Variants in R3HDM2 observed in about 807,000 individuals in gnomAD.
R3HDM2 encodes the protein R3H domain containing 2.
R3HDM2 carries 38 observed loss-of-function variants against 124.5 expected under a neutral mutation model. The ratio of observed to expected loss-of-function variants is 0.31; its 90% confidence interval spans 0.24 to 0.40. The LOEUF (loss-of-function observed/expected upper bound fraction) is 0.40, where lower values mean the gene tolerates loss of function less well. R3HDM2 is among the 10% of genes least tolerant of loss of function. The probability of loss-of-function intolerance (pLI) is 1.00; values close to 1 mark genes in which losing one functional copy is unlikely to be tolerated. For synonymous variants in R3HDM2, 391 were observed against 448.0 expected (o/e 0.87, Z 1.61); for missense variants, 869 against 1,236.9 (o/e 0.70, Z 4.46).
chr12:57,337,558 A>G (rs1015805385), intron 2 of R3HDM2, among the ~76,000 whole-genome samples: 9 of 152,202 alleles, frequency 5.9e-5, no homozygotes, highest in Non-Finnish European at 1.2e-4. Context: ...CACTGCAAAG[A>G]AAGTCACTAG....
chr12:57,313,340 G>A (rs1043189124), intron 2 of R3HDM2, among the ~76,000 whole-genome samples: 1 of 151,768 alleles, frequency 6.6e-6, no homozygotes, highest in Non-Finnish European at 1.5e-5. Context: ...CAGCAGGATC[G>A]CTTGAGCCCA....
intron 1 of R3HDM2, among the ~76,000 whole-genome samples, chr12:57,429,787 G>A (rs1869247017): frequency 6.6e-6 from 1 of 151,604 alleles, no homozygotes; most frequent in Non-Finnish European, 1.5e-5. Flanking sequence ...GGGAATATTG[G>A]TGGAACAACA....
At chr12:57,368,222 GTA>G (rs139443382) in intron 2 of R3HDM2, among the ~76,000 whole-genome samples, 1 of 151,496 alleles carries the variant, frequency 6.6e-6, no homozygotes, top group Non-Finnish European at 1.5e-5. Flanking sequence ...AATTCAATGT[GTA>G]TATATATATA....
chr12:57,320,261 C>CAAAAAAAAAAA (rs56207989), intron 2 of R3HDM2, among the ~76,000 whole-genome samples: 692 of 14,242 alleles, frequency 0.049, 222 homozygotes, highest in South Asian at 0.12. Flanking sequence ...AACTCTATCT[C>CAAAAAAAAAAA]AAAAAAAAAA....
At position 57,311,392 on chromosome 12, in the gene R3HDM2, A is replaced by AT. The variant is rs1469550381; in HGVS notation, c.-35-930dup. On this transcript the variant is annotated intron_variant, in intron 2 of 23. Coordinates refer to ENST00000402412, the MANE Select transcript of R3HDM2 (RefSeq NM_001394031.1). ...AGGTGCCCGCCACCACGCTCAGCTA[A>AT]TTTTTTCTATTTTTTAGTACAGACA... is the stretch of plus-strand genomic sequence containing the variant. Among the ~76,000 whole-genome samples the AT allele has an allele frequency of 3.4e-5, 5 of 146,414 alleles. No individual in the cohort carries two copies. In the East Asian group the frequency reaches 9.9e-4, roughly 29 times the overall value.
Position 57,296,558 on chromosome 12 carries a change from G to A in R3HDM2, c.561-7C>T, listed in dbSNP as rs1393315201. 3 of 1,544,008 alleles carry A rather than the reference G, an allele frequency of 1.9e-6. No individual in the cohort carries two copies. Among genetic ancestry groups the A allele is most frequent in the South Asian group, 1.2e-5 (1 of 83,058 alleles). On this transcript the variant is annotated splice_region_variant and splice_polypyrimidine_tract_variant and intron_variant, in intron 8 of 23. Coordinates refer to ENST00000402412, the MANE Select transcript of R3HDM2 (RefSeq NM_001394031.1). The surrounding 1 kb of genome is among the most constrained non-coding windows in gnomAD (Gnocchi z 4.5). ...GAACTTCTTGAACTGATTACTGAAG[G>A]GAAACCCGGGGAAAAAAAGTGAAAT...
intron 2 of R3HDM2, among the ~76,000 whole-genome samples, chr12:57,394,292 G>A (rs1176802020): frequency 2.0e-5 from 3 of 150,166 alleles, no homozygotes; most frequent in African/African-American, 7.4e-5. Flanking sequence ...GCAAGAGCCT[G>A]TCTCAAAAAA....
intron 2 of R3HDM2, among the ~76,000 whole-genome samples, chr12:57,318,084 G>A (rs2055564982): frequency 6.6e-6 from 1 of 151,800 alleles, no homozygotes; most frequent in Non-Finnish European, 1.5e-5. Context: ...GAGGTCAGGG[G>A]TTCGAGACCA....
At chr12:57,257,810 C>T (rs1191798820) in intron 21 of R3HDM2, among the ~76,000 whole-genome samples, 180 bp downstream of exon 21, 7 of 152,192 alleles carry the variant, frequency 4.6e-5, no homozygotes, top group Non-Finnish European at 1.0e-4. Flanking sequence ...TAAGCATGGA[C>T]AGCACTAGAG....
At chr12:57,340,280 G>A (rs910802888) in intron 2 of R3HDM2, among the ~76,000 whole-genome samples, 6 of 152,152 alleles carry the variant, frequency 3.9e-5, no homozygotes, top group African/African-American at 1.2e-4. Flanking sequence ...TCCCAGTGAC[G>A]TCAGAGCAGT....
At position 57,295,514 on chromosome 12, in the gene R3HDM2, T is replaced by G; in HGVS notation, c.702-7A>C. The G allele has an allele frequency of 1.3e-6, 2 of 1,544,758 alleles. No individual in the cohort carries two copies. Among genetic ancestry groups the G allele is most frequent in the Non-Finnish European group, 1.8e-6 (2 of 1,141,026 alleles). ...TGAGAACCTCTGTTCAGGGCTGAGA[T>G]TTGGAGAGAAATGTGAAAGGAAAGG... On this transcript the variant is annotated splice_polypyrimidine_tract_variant and splice_region_variant and intron_variant, in intron 9 of 23. Transcript: ENST00000402412.
chr12:57,407,595 T>C (rs963018482), intron 1 of R3HDM2, among the ~76,000 whole-genome samples: 1 of 151,308 alleles, frequency 6.6e-6, no homozygotes, highest in Non-Finnish European at 1.5e-5. Flanking sequence ...TTAGTAGAGA[T>C]GGGGTTTCAC....
chr12:57,266,116 T>C (rs552583251), intron 19 of R3HDM2, among the ~76,000 whole-genome samples: 1 of 148,484 alleles, frequency 6.7e-6, no homozygotes, highest in East Asian at 2.0e-4. Flanking sequence ...CTTTTTTTTT[T>C]TTTTTTTGAG....
At chr12:57,363,173 T>C (rs189473476) in intron 2 of R3HDM2, among the ~76,000 whole-genome samples, 1 of 152,328 alleles carries the variant, frequency 6.6e-6, no homozygotes, top group African/African-American at 2.4e-5. Context: ...TTTTCTCCTG[T>C]CTTATAACAC....
intron 14 of R3HDM2, among the ~76,000 whole-genome samples, chr12:57,272,752 G>C (rs1202236509): frequency 1.3e-5 from 2 of 152,148 alleles, no homozygotes; most frequent in Non-Finnish European, 2.9e-5. Context: ...ACAGCTTGAA[G>C]ATTTAACATC....
At chr12:57,258,238 C>G in intron 20 of R3HDM2, 101 bp from the exon 21 acceptor site, 1 of 1,174,716 alleles carries the variant, frequency 8.5e-7, no homozygotes, top group Non-Finnish European at 1.1e-6. Flanking sequence ...AAATAAGTTT[C>G]TCTTGCTGAA....
intron 2 of R3HDM2, among the ~76,000 whole-genome samples, chr12:57,370,400 G>A (rs11172185): frequency 0.6 from 69,065 of 115,598 alleles, 25,682 homozygotes; most frequent in Middle Eastern, 0.88. Flanking sequence ...GGAGGCCCGG[G>A]GGGGGGGGGC....
intron 2 of R3HDM2, among the ~76,000 whole-genome samples, chr12:57,372,656 G>C (rs2063518920): frequency 6.6e-6 from 1 of 152,146 alleles, no homozygotes; most frequent in South Asian, 2.1e-4. Context: ...GACATAGGAA[G>C]ATATGTTTTT....
chr12:57,302,348 C>A (rs1300362539), intron 4 of R3HDM2, among the ~76,000 whole-genome samples: 1 of 151,958 alleles, frequency 6.6e-6, no homozygotes, highest in Non-Finnish European at 1.5e-5. Context: ...CTTTGTGGGG[C>A]TGAGACGGGT....
Sources: allele counts gnomAD v4.1 joint callset (sites outside exome capture counted in the v4.1 genomes callset), GRCh38; gene constraint gnomAD v4.1.1; non-coding constraint Gnocchi (gnomAD v3.1); transcripts MANE v1.5; gene names NCBI Gene and HGNC (gene_info 2026-07-23, HGNC 2026-07-21).